The following MYH9 variants were observed in gnomAD, a reference collection of about 807,000 sequenced individuals.
MYH9 encodes myosin heavy chain 9.
A neutral mutation model predicts 241.9 loss-of-function variants in MYH9; 29 were observed. The ratio of observed to expected loss-of-function variants is 0.12; its 90% confidence interval spans 0.09 to 0.16. The LOEUF (loss-of-function observed/expected upper bound fraction) is 0.16, where lower values mean the gene tolerates loss of function less well. Among genes scored for constraint, MYH9 ranks in the 10% least tolerant of loss-of-function variants. MYH9 has a pLI of 1.00. For synonymous variants in MYH9, 1,047 were observed against 1,062.6 expected (o/e 0.99, Z 0.29); for missense variants, 1,803 against 2,595.5 (o/e 0.69, Z 6.63).
At chr22:36,366,125 T>C (rs1290834648) in intron 1 of MYH9, among the ~76,000 whole-genome samples, 1 of 152,000 alleles carries the variant, frequency 6.6e-6, no homozygotes, top group African/African-American at 2.4e-5. Flanking sequence ...GAGGCAGAAT[T>C]TGCAGTGAGC....
rs1406794885 is a variant in MYH9, at chr22:36,282,533, G to A, written c.*135C>T. 2.3e-6 allele frequency: 2 copies of A among 865,972 alleles called. No individual in the cohort carries two copies. Among genetic ancestry groups the A allele is most frequent in the Middle Eastern group, 2.4e-4 (1 of 4,220 alleles). The allele number at this position is 865,972 out of a possible 1,614,324, so 53.6% of individuals were successfully genotyped here. The stretch of plus-strand genomic sequence containing the variant: ...AACACCTGGAGGGAAACGGGATGGG[G>A]GGACGGGGCGGAGGGCAGGAGGAGG... On this transcript the variant is annotated 3_prime_UTR_variant, in exon 41 of 41. Transcript: ENST00000216181.
At position 36,298,983 on chromosome 22, in the gene MYH9, C is replaced by T. The variant is rs765341678; in HGVS notation, c.3036G>A (p.Glu1012=). 1 of 1,614,174 alleles carries T rather than the reference C, an allele frequency of 6.2e-7. No individual in the cohort carries two copies. Among genetic ancestry groups the T allele is most frequent in the South Asian group, 1.1e-5 (1 of 91,070 alleles). ...GCTTGGCGAGGCTCTTAGATTTCTC[C>T]TCCTCTTCTGTGAGGTTGGTGGTGA... ...AEFTTNLTEE[E]EKSKSLAKLK... The change falls in exon 24 of 41, where the codon GAG becomes GAA. Residue 1012 remains glutamate (E), a synonymous_variant. Coordinates refer to ENST00000216181, the MANE Select transcript of MYH9 (RefSeq NM_002473.6).
chr22:36,340,268 T>C (rs2017564101), intron 3 of MYH9, among the ~76,000 whole-genome samples: 1 of 151,796 alleles, frequency 6.6e-6, no homozygotes, highest in Admixed American at 6.6e-5. Context: ...ATGAGGAGCC[T>C]TTCTATGATT....
chr22:36,323,713 C>T (rs2017291954), intron 5 of MYH9, among the ~76,000 whole-genome samples: 3 of 152,146 alleles, frequency 2.0e-5, no homozygotes, highest in Non-Finnish European at 4.4e-5. Context: ...ACAAGGGACA[C>T]AGCAGAGACT....
rs116572976 is a variant in MYH9, at chr22:36,282,079, C to A, written c.*589G>T. The A allele has an allele frequency of 7.2e-5, 17 of 237,362 alleles. No individual in the cohort carries two copies. Among genetic ancestry groups the A allele is most frequent in the Admixed American group, 5.8e-4 (11 of 19,078 alleles). The allele number at this position is 237,362 out of a possible 1,614,324, so 14.7% of individuals were successfully genotyped here. On this transcript the variant is annotated 3_prime_UTR_variant, in exon 41 of 41. Transcript: ENST00000216181. The stretch of plus-strand genomic sequence containing the variant: ...GTGGGGAGGAATCCACTCCTCCCCC[C>A]ACCCCAGCCTTCTGTGCCCTGCACA...
rs1271607558 is a variant in MYH9, at chr22:36,306,967, C to T, written c.1844-360G>A. Among the ~76,000 whole-genome samples, 1 of 151,974 alleles carries T rather than the reference C, an allele frequency of 6.6e-6. No individual in the cohort carries two copies. The highest frequency in any genetic ancestry group is 2.4e-5 in the African/African-American group (1 of 41,346). On this transcript the variant is annotated intron_variant, in intron 15 of 40. Transcript: ENST00000216181. The surrounding 1 kb of genome is among the most constrained non-coding windows in gnomAD (Gnocchi z 4.1). Reference sequence around the variant, plus strand: ...GAGAATTCTACTAGCCTGGCTCTAACGAGGGGTGTGAAAACCTGGCTTACG... The same window carrying T: ...GAGAATTCTACTAGCCTGGCTCTAATGAGGGGTGTGAAAACCTGGCTTACG...
In MYH9 at chr22:36,300,195, C is replaced by T. The variant is rs761675946; in HGVS notation, c.2908G>A (p.Glu970Lys). The change falls in exon 23 of 41, where the codon GAG becomes AAG. Residue 970 changes from glutamate (E) to lysine (K), a missense_variant. Coordinates refer to ENST00000216181, the MANE Select transcript of MYH9 (RefSeq NM_002473.6). This position sits in a 1 kb window ranked among gnomAD's most constrained non-coding sequence, Gnocchi z 5.0. Reference sequence around the variant, plus strand: ...TCCTCCAGCTTTTTCAGCTTCGCCTCGGTGGTCACCTTCTCCAGCTGCAGC... The same window carrying T: ...TCCTCCAGCTTTTTCAGCTTCGCCTTGGTGGTCACCTTCTCCAGCTGCAGC... Reference protein sequence around the residue: ...QKLQLEKVTTEAKLKKLEEEQ... With the variant: ...QKLQLEKVTTKAKLKKLEEEQ... 1 of 1,613,514 alleles carries T rather than the reference C, an allele frequency of 6.2e-7. No individual in the cohort carries two copies. The highest frequency in any genetic ancestry group is 8.5e-7 in the Non-Finnish European group (1 of 1,180,016).
intron 25 of MYH9, 111 bp downstream of exon 25, chr22:36,296,731 CA>C: frequency 2.4e-6 from 3 of 1,262,508 alleles, no homozygotes; most frequent in Non-Finnish European, 3.2e-6. Flanking sequence ...TCTTTTAAGA[CA>C]ACAGTGGAAA....
chr22:36,301,025 C>A lies in MYH9; in HGVS notation c.2664G>T (p.Gln888His), dbSNP rs1316967947. 3.7e-6 allele frequency: 6 copies of A among 1,611,244 alleles called. No homozygotes were observed. Among genetic ancestry groups the A allele is most frequent in the East Asian group, 2.2e-5 (1 of 44,882 alleles). The change falls in exon 22 of 41, where the codon CAG (glutamine) becomes CAT (histidine). Residue 888 changes from glutamine to histidine, a missense_variant. By Grantham distance (24) the Gln-to-His change is conservative. Coordinates refer to ENST00000216181, the MANE Select transcript of MYH9 (RefSeq NM_002473.6). ...LMAEKLQLQE[Q>H]LQAETELCAE... The stretch of plus-strand genomic sequence containing the variant: ...CACACAGCTCGGTTTCTGCCTGGAG[C>A]TGCTCCTGCAGCTGCAATTTCTCTG...
intron 3 of MYH9, among the ~76,000 whole-genome samples, chr22:36,336,167 A>T (rs751922370): frequency 2.0e-5 from 3 of 152,220 alleles, no homozygotes; most frequent in Non-Finnish European, 4.4e-5. Context: ...TATTAATACC[A>T]TAAAGTCACT....
intron 31 of MYH9, among the ~76,000 whole-genome samples, chr22:36,290,282 T>C (rs1456220702): frequency 6.7e-6 from 1 of 148,310 alleles, no homozygotes; most frequent in Admixed American, 6.7e-5. Context: ...GGAGGATCAC[T>C]TGAGCTGTGG....
At chr22:36,387,659 C>G (rs1312166235) in intron 1 of MYH9, 148 bp downstream of exon 1, 5 of 151,444 alleles carry the variant, frequency 3.3e-5, no homozygotes. Context: ...CGGTGCCGGG[C>G]CCTGAGCCGC....
chr22:36,382,793 A>AC (rs2018279946), intron 1 of MYH9, among the ~76,000 whole-genome samples: 1 of 152,012 alleles, frequency 6.6e-6, no homozygotes, highest in African/African-American at 2.4e-5. Context: ...ACAGAGTGAG[A>AC]CCCCATCTCA....
intron 34 of MYH9, 87 bp from the exon 35 acceptor site, chr22:36,286,933 A>G (rs2016596310): frequency 6.3e-7 from 1 of 1,576,890 alleles, no homozygotes; most frequent in South Asian, 1.1e-5. Context: ...AACAGGGCTC[A>G]TGGCTGGTGC....
Position 36,330,688 on chromosome 22 carries a change from C to T in MYH9, c.491-3200G>A, listed in dbSNP as rs180749547. Among the ~76,000 whole-genome samples, 11 of 152,242 alleles carry T rather than the reference C, an allele frequency of 7.2e-5. No individual in the cohort carries two copies. Among genetic ancestry groups the T allele is most frequent in the African/African-American group, 2.6e-4 (11 of 41,536 alleles). On this transcript the variant is annotated intron_variant, in intron 3 of 40. Transcript: ENST00000216181. The surrounding 1 kb of genome is among the most constrained non-coding windows in gnomAD (Gnocchi z 4.5). ...GGCGCCCACCCCATCAACCCTTCCC[C>T]GCACTGTCATCTCACAGGATGAGCA...
chr22:36,285,429 T>C lies in MYH9; in HGVS notation c.5275-100A>G, dbSNP rs571743331. ...GTGGCAGCAGGATCCCACCAAACCC[T>C]TGGGGTCCAGAGTCTTGGGTCTCCC... On this transcript the variant is annotated intron_variant, in intron 37 of 40. Transcript: ENST00000216181. This position sits in a 1 kb window ranked among gnomAD's most constrained non-coding sequence, Gnocchi z 7.0. The C allele has an allele frequency of 2.2e-4, 312 of 1,407,860 alleles. 5 individuals are homozygous for C. The South Asian group carries it at 2.9e-3, about 13-fold the overall frequency. 87.2% of individuals were successfully genotyped at this position (1,407,860 alleles called of 1,614,324 possible).
chr22:36,309,077 G>A (rs777485716), intron 15 of MYH9, among the ~76,000 whole-genome samples: 6 of 152,178 alleles, frequency 3.9e-5, no homozygotes, highest in East Asian at 1.9e-4. Context: ...AGGAGGACCC[G>A]GCCACGGTGT....
chr22:36,332,902 T>C (rs1484548326), intron 3 of MYH9, among the ~76,000 whole-genome samples: 4 of 152,050 alleles, frequency 2.6e-5, no homozygotes, highest in Non-Finnish European at 4.4e-5. Flanking sequence ...AACAGGTTTG[T>C]CAGACTGGAG....
intron 3 of MYH9, among the ~76,000 whole-genome samples, chr22:36,336,159 T>C (rs1252465467): frequency 6.6e-6 from 1 of 152,252 alleles, no homozygotes; most frequent in Non-Finnish European, 1.5e-5. Flanking sequence ...CATTAAAATA[T>C]TAATACCATA....
Sources: allele counts gnomAD v4.1 joint callset (sites outside exome capture counted in the v4.1 genomes callset), GRCh38; gene constraint gnomAD v4.1.1; non-coding constraint Gnocchi (gnomAD v3.1); transcripts MANE v1.5; gene names NCBI Gene and HGNC (gene_info 2026-07-23, HGNC 2026-07-21).